The following VWA3A variants were observed in gnomAD, a reference collection of about 807,000 sequenced individuals.
The protein encoded by VWA3A is von Willebrand factor A domain-containing protein 3A.
Under a neutral mutation model 160.4 loss-of-function variants are expected in VWA3A, and 134 were observed. That is an observed-to-expected ratio of 0.84 (90% confidence interval 0.73 to 0.96). The LOEUF is 0.96. Ranked by LOEUF, VWA3A falls within the 40% of genes least tolerant of loss-of-function variation. The pLI, the probability that VWA3A is intolerant of heterozygous loss-of-function variation, is 0.00. For synonymous variants in VWA3A, 476 were observed against 543.4 expected, an observed-to-expected ratio of 0.88 and a Z score of 1.72; for missense variants, 1,310 against 1,447.9, an observed-to-expected ratio of 0.90 and a Z score of 1.55.
At chr16:22,133,124 C>G in intron 20 of VWA3A, 29 bp downstream of exon 20, 1 of 1,594,832 alleles carries the variant, frequency 6.3e-7, no homozygotes, top group Middle Eastern at 1.7e-4. Context: ...ATCCCTTCAG[C>G]TCATTCCAAA....
At chr16:22,122,119 T>TGATGGATG (rs113111289) in intron 14 of VWA3A, among the ~76,000 whole-genome samples, 3,552 of 145,944 alleles carry the variant, frequency 0.024, 44 homozygotes, top group Middle Eastern at 0.032. Context: ...AGGAAAAGAA[T>TGATGGATG]GATGGATGGA....
At chr16:22,100,062 C>T (rs995295435) in intron 3 of VWA3A, 132 bp from the exon 4 acceptor site, 16 of 1,148,348 alleles carry the variant, frequency 1.4e-5, no homozygotes, top group Middle Eastern at 3.0e-4. Flanking sequence ...GTGACAAGAG[C>T]GAAACTCCGT....
intron 17 of VWA3A, among the ~76,000 whole-genome samples, chr16:22,126,770 G>A (rs945506240): frequency 2.5e-4 from 38 of 152,110 alleles, no homozygotes; most frequent in African/African-American, 4.3e-4. Context: ...CACCTTGGGA[G>A]GCCGAGACAG....
chr16:22,155,980 A>G, intron 33 of VWA3A, 52 bp from the exon 34 acceptor site: 1 of 1,528,622 alleles, frequency 6.5e-7, no homozygotes, highest in Non-Finnish European at 9.0e-7. Context: ...GGCATGCTCT[A>G]TTTTGTGGTC....
At chr16:22,102,079 G>T (rs1428133757) in intron 5 of VWA3A, among the ~76,000 whole-genome samples, 1 of 152,152 alleles carries the variant, frequency 6.6e-6, no homozygotes, top group African/African-American at 2.4e-5. Context: ...CTTCAGCTGG[G>T]CACAAGTGGC....
chr16:22,154,264 A>G (rs1321630151), intron 31 of VWA3A, among the ~76,000 whole-genome samples: 1 of 151,002 alleles, frequency 6.6e-6, no homozygotes, highest in East Asian at 1.9e-4. Flanking sequence ...TGCATGCAGA[A>G]TGGGATTGCT....
At chr16:22,123,431 C>T (rs1296268958) in intron 15 of VWA3A, 182 bp from the exon 16 acceptor site, 1 of 1,529,792 alleles carries the variant, frequency 6.5e-7, no homozygotes, top group Admixed American at 2.0e-5. Flanking sequence ...TACCGTGTGA[C>T]TCTTCCCTTC....
At chr16:22,128,179 C>T (rs1015202696) in intron 17 of VWA3A, among the ~76,000 whole-genome samples, 8 of 152,106 alleles carry the variant, frequency 5.3e-5, no homozygotes, top group African/African-American at 1.4e-4. Context: ...GCCATGCTCA[C>T]GAGTTTCCTG....
intron 12 of VWA3A, among the ~76,000 whole-genome samples, chr16:22,120,045 T>G (rs2045707007): frequency 6.6e-6 from 1 of 152,158 alleles, no homozygotes; most frequent in South Asian, 2.1e-4. Context: ...TAGTTCTCAT[T>G]TATTAAGTCC....
chr16:22,153,703 A>G (rs192280927), intron 31 of VWA3A, among the ~76,000 whole-genome samples: 2 of 151,894 alleles, frequency 1.3e-5, no homozygotes, highest in East Asian at 1.9e-4. Context: ...ATTTCTTTTC[A>G]GAGGTTAAAG....
At position 22,096,962 on chromosome 16, in the gene VWA3A, G is replaced by GTT; in HGVS notation, c.101+17_101+18insTT. ...AAACCATTGGTAAGCATAGTTCTCT[G>GTT]ATTTTTTTTTTTTTTTTTTTTGAGG... On this transcript the variant is annotated intron_variant, in intron 2 of 33. Coordinates refer to ENST00000389398, the MANE Select transcript of VWA3A (RefSeq NM_173615.5). 3.9e-6 allele frequency: 4 copies of GTT among 1,036,752 alleles called. No individual in the cohort carries two copies. The highest frequency in any genetic ancestry group is 5.4e-6 in the Non-Finnish European group (4 of 735,834). 64.2% of individuals were successfully genotyped at this position (1,036,752 alleles called of 1,614,324 possible).
At chr16:22,105,257 C>T (rs1002677101) in intron 6 of VWA3A, among the ~76,000 whole-genome samples, 3 of 152,160 alleles carry the variant, frequency 2.0e-5, no homozygotes, top group Admixed American at 6.5e-5. Flanking sequence ...TCAAAGTGGG[C>T]GGGGATTGAT....
chr16:22,125,189 G>A (rs1191566086), intron 16 of VWA3A, among the ~76,000 whole-genome samples: 9 of 148,812 alleles, frequency 6.0e-5, no homozygotes, highest in Non-Finnish European at 1.2e-4. Flanking sequence ...ACCAGCCTGA[G>A]CAACATGGGC....
chr16:22,096,818 G>A, intron 1 of VWA3A, 41 bp from the exon 2 acceptor site: 1 of 1,284,054 alleles, frequency 7.8e-7, no homozygotes, highest in Non-Finnish European at 1.1e-6. Flanking sequence ...TTGTCTGTAT[G>A]CCACATTTAT....
At chr16:22,118,623 T>A (rs1272923088) in intron 11 of VWA3A, among the ~76,000 whole-genome samples, 1 of 151,844 alleles carries the variant, frequency 6.6e-6, no homozygotes, top group Non-Finnish European at 1.5e-5. Flanking sequence ...GAGGCGGAGC[T>A]TGCCGTGAGC....
intron 8 of VWA3A, 90 bp from the exon 9 acceptor site, chr16:22,115,257 C>T (rs2045613124): frequency 2.9e-6 from 4 of 1,398,730 alleles, no homozygotes; most frequent in Non-Finnish European, 3.8e-6. Flanking sequence ...GCCTGGGTAA[C>T]ACAGCAAGCC....
At chr16:22,107,010 A>C (rs774738945) in intron 6 of VWA3A, among the ~76,000 whole-genome samples, 2 of 152,210 alleles carry the variant, frequency 1.3e-5, no homozygotes, top group Non-Finnish European at 2.9e-5. Context: ...CTTGTTTTGG[A>C]CATGTGAGGC....
At chr16:22,140,800 C>T (rs1277135373) in intron 23 of VWA3A, among the ~76,000 whole-genome samples, 2 of 151,230 alleles carry the variant, frequency 1.3e-5, no homozygotes, top group African/African-American at 2.4e-5. Context: ...TTAGTAGAGA[C>T]GGGGTTTCAC....
intron 17 of VWA3A, among the ~76,000 whole-genome samples, chr16:22,129,376 G>A (rs1467227196): frequency 8.2e-6 from 1 of 121,254 alleles, no homozygotes; most frequent in African/African-American, 3.6e-5. Context: ...GCGACACAGC[G>A]AGACTCCATC....
Sources: allele counts gnomAD v4.1 joint callset (sites outside exome capture counted in the v4.1 genomes callset), GRCh38; gene constraint gnomAD v4.1.1; transcripts MANE v1.5; gene names NCBI Gene and HGNC (gene_info 2026-07-23, HGNC 2026-07-21).